Variants in MCTP2 observed in about 807,000 individuals in gnomAD.
MCTP2 encodes the protein multiple C2 and transmembrane domain containing 2, also known as multiple C2 and transmembrane domain-containing protein 2.
A neutral mutation model predicts 111.6 loss-of-function variants in MCTP2; 132 were observed. The ratio of observed to expected loss-of-function variants is 1.18; its 90% CI spans 1.03 to 1.37. The LOEUF is 1.37. MCTP2 is among the 40% of genes most tolerant of loss of function. The pLI is 0.00. For missense variants in MCTP2, 1,183 were observed against 1,067.9 expected, an observed-to-expected ratio of 1.11 and a Z score of -1.50; for synonymous variants, 395 against 387.7, an observed-to-expected ratio of 1.02 and a Z score of -0.22.
chr15:94,250,184 T>C (rs1488623312), intron 1 of MCTP2, among the ~76,000 whole-genome samples: 1 of 152,194 alleles, frequency 6.6e-6, no homozygotes, highest in East Asian at 1.9e-4. Context: ...CTACATAGCA[T>C]TGGAGAATTC....
chr15:94,302,994 C>T (rs772432664), intron 2 of MCTP2, among the ~76,000 whole-genome samples: 21 of 150,174 alleles, frequency 1.4e-4, no homozygotes, highest in Non-Finnish European at 2.8e-4. Context: ...TGGCAGCCAG[C>T]AAAGGGAGAG....
At chr15:94,410,712 T>A (rs967202929) in intron 17 of MCTP2, among the ~76,000 whole-genome samples, 18 of 152,242 alleles carry the variant, frequency 1.2e-4, no homozygotes, top group African/African-American at 3.9e-4. Flanking sequence ...TTTGTGCATA[T>A]CCTTACTGCT....
At chr15:94,400,817 G>A (rs959189740) in intron 16 of MCTP2, among the ~76,000 whole-genome samples, 3 of 152,016 alleles carry the variant, frequency 2.0e-5, no homozygotes, top group African/African-American at 4.8e-5. Context: ...ATATAAAGAC[G>A]TCTTATCATC....
intron 4 of MCTP2, 152 bp downstream of exon 4, chr15:94,315,789 A>G (rs2076352458): frequency 3.3e-6 from 2 of 610,288 alleles, no homozygotes; most frequent in East Asian, 5.6e-5. Context: ...AGACATTTGC[A>G]GTGAATCATT....
intron 1 of MCTP2, among the ~76,000 whole-genome samples, chr15:94,276,007 A>G (rs1048470768): frequency 4.0e-5 from 6 of 151,882 alleles, no homozygotes; most frequent in Non-Finnish European, 7.4e-5. Flanking sequence ...CACCATGCCC[A>G]GCTAATTTTT....
intron 19 of MCTP2, among the ~76,000 whole-genome samples, chr15:94,449,284 G>A (rs1055050876): frequency 2.6e-5 from 4 of 152,142 alleles, no homozygotes; most frequent in African/African-American, 9.7e-5. Flanking sequence ...ATGTGCAGGA[G>A]CTCATTCAGT....
chr15:94,460,412 G>A (rs1020672275), intron 20 of MCTP2, among the ~76,000 whole-genome samples: 5 of 152,146 alleles, frequency 3.3e-5, no homozygotes, highest in African/African-American at 4.8e-5. Flanking sequence ...ATGGAGGTGC[G>A]GTTGGCAGTG....
At chr15:94,314,518 A>G (rs1381022762) in intron 3 of MCTP2, among the ~76,000 whole-genome samples, 174 bp downstream of exon 3, 1 of 152,064 alleles carries the variant, frequency 6.6e-6, no homozygotes. Context: ...TTAATTCAGT[A>G]TCTATTGATT....
At chr15:94,269,190 A>G (rs2073773863) in intron 1 of MCTP2, among the ~76,000 whole-genome samples, 1 of 152,178 alleles carries the variant, frequency 6.6e-6, no homozygotes, top group Non-Finnish European at 1.5e-5. Context: ...TTTGGGTTTC[A>G]AATTCTGTCA....
rs117414141 is a variant in MCTP2, at chr15:94,440,187, C to A, written c.2097C>A (p.Ile699=). Residue 699 remains isoleucine (I), a synonymous_variant, in exon 18 of 23, where the codon ATC becomes ATA. Transcript: ENST00000357742. ...RSTIAFAVFL[I]TVWNFELYMI... ...TGTCTTTCAATCAGGTATTTTTGAT[C>A]ACTGTCTGGAATTTTGAACTATATA... is the stretch of plus-strand genomic sequence containing the variant. The A allele has an allele frequency of 2.5e-4, 407 of 1,613,578 alleles. 1 individual carries two copies. The South Asian group carries it at 2.9e-3, about 12-fold the overall frequency.
chr15:94,288,907 T>C (rs1244803521), intron 1 of MCTP2, among the ~76,000 whole-genome samples: 1 of 152,082 alleles, frequency 6.6e-6, no homozygotes, highest in African/African-American at 2.4e-5. Context: ...ATGGATTCAA[T>C]AGCAGACTGG....
intron 20 of MCTP2, among the ~76,000 whole-genome samples, chr15:94,463,267 CTTTAAT>C (rs2085325171): frequency 6.6e-6 from 1 of 152,032 alleles, no homozygotes; most frequent in Non-Finnish European, 1.5e-5. Context: ...TTTAGATCGT[CTTTAAT>C]TTATCTCATT....
intron 19 of MCTP2, among the ~76,000 whole-genome samples, chr15:94,449,369 C>T (rs1567729681): frequency 1.3e-5 from 2 of 152,148 alleles, no homozygotes; most frequent in Non-Finnish European, 2.9e-5. Flanking sequence ...AAGAGAACTT[C>T]CGTAACATAT....
rs747260292 is a variant in MCTP2, at chr15:94,385,493, T to A, written c.1756T>A (p.Phe586Ile). ...FDEDGDKPPD[F>I]LGKVAIPLLS... ...TGAAGATGGAGATAAACCCCCAGAT[T>A]TTCTTGGAAAAGTTGCCATTCCCTT... is the stretch of plus-strand genomic sequence containing the variant. The change falls in exon 14 of 23, where the codon TTT becomes ATT. Residue 586 changes from phenylalanine to isoleucine, a missense_variant. By Grantham distance (21) the Phe-to-Ile change is conservative. Transcript: ENST00000357742. 10 of 1,613,300 alleles carry A rather than the reference T, an allele frequency of 6.2e-6. No individual in the cohort carries two copies. The Admixed American group carries it at 1.7e-4, about 27-fold the overall frequency.
At position 94,483,812 on chromosome 15, in the gene MCTP2, C is replaced by T. The variant is rs2074845127; in HGVS notation, c.*4778C>T. ...TGACAAGCCTCTCTGACACAGTTTA[C>T]CTATGTAACAAACCTGCACAGTTAC... is the stretch of plus-strand genomic sequence containing the variant. On this transcript the variant is annotated 3_prime_UTR_variant, in exon 23 of 23. Transcript: ENST00000357742. 1 of 152,102 alleles carries T rather than the reference C, an allele frequency of 6.6e-6. No homozygotes were observed. Among genetic ancestry groups the T allele is most frequent in the South Asian group, 2.1e-4 (1 of 4,824 alleles). 9.4% of individuals were successfully genotyped at this position (152,102 alleles called of 1,614,324 possible).
chr15:94,384,999 A>G (rs1368673151), intron 13 of MCTP2, among the ~76,000 whole-genome samples: 5 of 152,226 alleles, frequency 3.3e-5, no homozygotes, highest in Admixed American at 6.5e-5. Context: ...TAAGCATTTC[A>G]GGAAATAGTG....
chr15:94,468,982 T>C (rs866524886), intron 20 of MCTP2, among the ~76,000 whole-genome samples: 5 of 152,212 alleles, frequency 3.3e-5, no homozygotes, highest in Non-Finnish European at 7.3e-5. Flanking sequence ...GTTGATAGAA[T>C]TGTGATTATT....
chr15:94,290,060 T>A (rs1167657134), intron 1 of MCTP2, among the ~76,000 whole-genome samples: 1 of 151,920 alleles, frequency 6.6e-6, no homozygotes, highest in Non-Finnish European at 1.5e-5. Context: ...AGCTGACTGA[T>A]CAGCTAAACA....
At chr15:94,380,117 A>C (rs2152451079) in intron 12 of MCTP2, among the ~76,000 whole-genome samples, 1 of 151,982 alleles carries the variant, frequency 6.6e-6, no homozygotes, top group Admixed American at 6.6e-5. Flanking sequence ...TCTGCATTTC[A>C]CTGCTGCCCT....
Sources: allele counts gnomAD v4.1 joint callset (sites outside exome capture counted in the v4.1 genomes callset), GRCh38; gene constraint gnomAD v4.1.1; transcripts MANE v1.5; gene names NCBI Gene and HGNC (gene_info 2026-07-23, HGNC 2026-07-21).